MED26: variants seen among roughly 807,000 people sequenced by gnomAD.
MED26 encodes the protein mediator of RNA polymerase II transcription subunit 26.
MED26 carries 7 observed loss-of-function variants against 43.7 expected under a neutral mutation model. The observed-to-expected ratio is 0.16, with a 90% confidence interval of 0.09 to 0.30. The LOEUF (loss-of-function observed/expected upper bound fraction) is 0.30. MED26 is among the 10% of genes least tolerant of loss of function. The probability of loss-of-function intolerance (pLI) is 1.00; values close to 1 mark genes in which losing one functional copy is unlikely to be tolerated. For missense variants in MED26, 784 were observed against 840.6 expected (o/e 0.93, Z 0.83); for synonymous variants, 375 against 371.1 (o/e 1.01, Z -0.12).
At chr19:16,611,903 T>G (rs2086201131) in intron 1 of MED26, 1 of 152,210 alleles carries the variant, frequency 6.6e-6, no homozygotes, top group Non-Finnish European at 1.5e-5. Context: ...CAAGCGATCC[T>G]GCCACCTTGG....
rs1490757987 is a variant in MED26 at position 16,586,711 on chromosome 19, C to T, written c.73-8302G>A. ...GAGCACAGACTGCAGTTCTGCACTC[C>T]CCCACCTCGGTGTCCGGCCAGCCTT... is the stretch of plus-strand genomic sequence containing the variant. On this transcript the variant is annotated intron_variant, in intron 1 of 2. Coordinates refer to ENST00000263390, the MANE Select transcript of MED26 (RefSeq NM_004831.5). The surrounding 1 kb of genome is among the most constrained non-coding windows in gnomAD (Gnocchi z 5.1). Among the ~76,000 whole-genome samples, 3 of 152,188 alleles carry T rather than the reference C, an allele frequency of 2.0e-5. No individual in the cohort carries two copies. Among genetic ancestry groups the T allele is most frequent in the African/African-American group, 7.2e-5 (3 of 41,446 alleles).
intron 1 of MED26, among the ~76,000 whole-genome samples, chr19:16,591,048 AAAATAAATAAATAAATAAAT>A (rs10593029): frequency 0.062 from 8,915 of 142,684 alleles, 343 homozygotes; most frequent in South Asian, 0.068. Context: ...AAAATAAAAT[AAAATAAATAAATAAATAAAT>A]AAATAAATAA....
chr19:16,618,053 GA>G (rs1282152702), intron 1 of MED26, among the ~76,000 whole-genome samples: 8 of 152,286 alleles, frequency 5.3e-5, no homozygotes, highest in African/African-American at 1.9e-4. Context: ...TCCATTAACC[GA>G]AGGGGAAGAA....
At chr19:16,611,695 C>G (rs906786845) in intron 1 of MED26, 1 of 152,154 alleles carries the variant, frequency 6.6e-6, no homozygotes, top group Non-Finnish European at 1.5e-5. Flanking sequence ...TCCTTTCCCC[C>G]TCATGGTAAG....
intron 1 of MED26, among the ~76,000 whole-genome samples, chr19:16,585,759 C>T (rs2086067814): frequency 6.6e-6 from 1 of 152,226 alleles, no homozygotes; most frequent in Non-Finnish European, 1.5e-5. Flanking sequence ...TGCGTGGAAT[C>T]ACCTTTCAAA....
At position 16,587,572 on chromosome 19, in the gene MED26, G is replaced by C. The variant is rs1371940995; in HGVS notation, c.73-9163C>G. On this transcript the variant is annotated intron_variant, in intron 1 of 2. Coordinates refer to ENST00000263390, the MANE Select transcript of MED26 (RefSeq NM_004831.5). The surrounding 1 kb of genome is among the most constrained non-coding windows in gnomAD (Gnocchi z 4.9). ...GCTTCTCAGAGGAAGAATGACACTG[G>C]GAGGAACAATGACGGGAAGGTGCAT... 1 of 152,278 alleles carries C rather than the reference G, an allele frequency of 6.6e-6. No individual in the cohort carries two copies. Among genetic ancestry groups the C allele is most frequent in the Non-Finnish European group, 1.5e-5 (1 of 68,076 alleles). The allele number at this position is 152,278 out of a possible 1,614,324, so 9.4% of individuals were successfully genotyped here. A position where few individuals can be genotyped will look rare whatever the true frequency, so the allele number is the denominator to read the frequency against.
At chr19:16,591,396 C>T (rs1365898714) in intron 1 of MED26, among the ~76,000 whole-genome samples, 1 of 152,208 alleles carries the variant, frequency 6.6e-6, no homozygotes, top group Non-Finnish European at 1.5e-5. Context: ...CATCAGTAGG[C>T]ACCTGCTTTT....
intron 1 of MED26, among the ~76,000 whole-genome samples, chr19:16,606,777 G>A (rs951610577): frequency 5.9e-5 from 9 of 152,192 alleles, no homozygotes; most frequent in Non-Finnish European, 1.3e-4. Context: ...AGGGGTGCCT[G>A]GCACACACCA....
intron 1 of MED26, among the ~76,000 whole-genome samples, chr19:16,603,660 G>A (rs1157168168): frequency 6.6e-6 from 1 of 152,120 alleles, no homozygotes; most frequent in Non-Finnish European, 1.5e-5. Flanking sequence ...CTCGGTATGT[G>A]GGGGCCAGAT....
chr19:16,614,954 C>T (rs547932675), intron 1 of MED26, among the ~76,000 whole-genome samples: 44 of 152,342 alleles, frequency 2.9e-4, no homozygotes, highest in African/African-American at 9.9e-4. Flanking sequence ...TTAGGCAATG[C>T]TACTTCTGTA....
chr19:16,609,035 G>A (rs1293149780), intron 1 of MED26, among the ~76,000 whole-genome samples: 1 of 152,062 alleles, frequency 6.6e-6, no homozygotes, highest in Non-Finnish European at 1.5e-5. Flanking sequence ...TATCGACCAG[G>A]CTGGTGCAGC....
At chr19:16,598,898 C>T (rs1183702354) in intron 1 of MED26, among the ~76,000 whole-genome samples, 1 of 151,918 alleles carries the variant, frequency 6.6e-6, no homozygotes, top group Non-Finnish European at 1.5e-5. Flanking sequence ...TTAATGGCTA[C>T]AATAAATAAA....
Position 16,577,365 on chromosome 19 carries a change from G to A in MED26, c.465C>T (p.Asp155=), listed in dbSNP as rs112717816. The change falls in exon 3 of 3, where the codon GAC becomes GAT. Residue 155 remains aspartate, a synonymous_variant. Coordinates refer to ENST00000263390, the MANE Select transcript of MED26 (RefSeq NM_004831.5). The surrounding 1 kb of genome is among the most constrained non-coding windows in gnomAD (Gnocchi z 8.1). ...GSRKRRGDQR[D]LGHPGPPPKV... ...TGGGTGGCGGCCCTGGGTGGCCGAGGTCACGCTGGTCACCCCGGCGCTTGC... is the reference window on the plus strand; with the variant it reads ...TGGGTGGCGGCCCTGGGTGGCCGAGATCACGCTGGTCACCCCGGCGCTTGC... 20 of 1,611,230 alleles carry A rather than the reference G, an allele frequency of 1.2e-5. No individual in the cohort carries two copies. Among genetic ancestry groups the A allele is most frequent in the African/African-American group, 1.1e-4 (8 of 74,988 alleles).
Position 16,576,853 on chromosome 19 carries a change from A to G in MED26, c.977T>C (p.Val326Ala). 1.2e-6 allele frequency: 2 copies of G among 1,611,060 alleles called. No individual in the cohort carries two copies. Among genetic ancestry groups the G allele is most frequent in the South Asian group, 2.2e-5 (2 of 90,914 alleles). Residue 326 changes from valine to alanine, a missense_variant, in exon 3 of 3, where the codon GTA becomes GCA. Val to Ala is a moderately conservative substitution (Grantham distance 64, BLOSUM62 0). Transcript: ENST00000263390. The surrounding 1 kb of genome is among the most constrained non-coding windows in gnomAD (Gnocchi z 6.8). ...LPLAQPSTPP[V>A]RRLELLPSAE... The stretch of plus-strand genomic sequence containing the variant: ...ACTGGGCAGCAGCTCGAGCCGCCGT[A>G]CGGGGGGTGTGGACGGCTGTGCCAG...
intron 1 of MED26, among the ~76,000 whole-genome samples, chr19:16,592,550 T>C (rs926732310): frequency 1.3e-5 from 2 of 152,166 alleles, no homozygotes; most frequent in Non-Finnish European, 2.9e-5. Flanking sequence ...ACGCCACACA[T>C]GTCCCTTCCA....
chr19:16,616,100 G>C (rs1599347589), intron 1 of MED26, among the ~76,000 whole-genome samples: 1 of 152,214 alleles, frequency 6.6e-6, no homozygotes, highest in African/African-American at 2.4e-5. Flanking sequence ...AAACGAGGAT[G>C]CAGAGACCAG....
intron 1 of MED26, among the ~76,000 whole-genome samples, chr19:16,613,714 G>A (rs1364453914): frequency 2.0e-5 from 3 of 152,228 alleles, no homozygotes; most frequent in African/African-American, 7.2e-5. Flanking sequence ...TATAAAATGG[G>A]ATAATTCTTA....
In MED26 at chr19:16,586,461, A is replaced by C. The variant is rs1309512039; in HGVS notation, c.73-8052T>G. ...CCTGTGGTGATGTCGGCACTCTGTAAAGACTCTCCTGACGTGCTCCTGCAG... is the reference window on the plus strand; with the variant it reads ...CCTGTGGTGATGTCGGCACTCTGTACAGACTCTCCTGACGTGCTCCTGCAG... On this transcript the variant is annotated intron_variant, in intron 1 of 2. Coordinates refer to ENST00000263390, the MANE Select transcript of MED26 (RefSeq NM_004831.5). This position sits in a 1 kb window ranked among gnomAD's most constrained non-coding sequence, Gnocchi z 5.1. Among the ~76,000 whole-genome samples, 1 of 152,194 alleles carries C rather than the reference A, an allele frequency of 6.6e-6. No individual in the cohort carries two copies.
At chr19:16,578,720 T>C in intron 1 of MED26, 1 of 350,174 alleles carries the variant, frequency 2.9e-6, no homozygotes, top group South Asian at 4.0e-5. Flanking sequence ...CTGCTCCTGA[T>C]ACTTAAGATG....
Sources: allele counts gnomAD v4.1 joint callset (sites outside exome capture counted in the v4.1 genomes callset), GRCh38; gene constraint gnomAD v4.1.1; non-coding constraint Gnocchi (gnomAD v3.1); transcripts MANE v1.5; gene names NCBI Gene and HGNC (gene_info 2026-07-23, HGNC 2026-07-21).